GRM8: variants seen among roughly 807,000 people sequenced by gnomAD.
GRM8 encodes metabotropic glutamate receptor 8.
In GRM8, 47 loss-of-function variants were observed where a neutral mutation model predicts 87.2. The ratio of observed to expected loss-of-function variants is 0.54; its 90% CI spans 0.43 to 0.69. The LOEUF is 0.69. Ranked by LOEUF, GRM8 falls within the 30% of genes least tolerant of loss-of-function variation. The pLI, the probability that GRM8 is intolerant of heterozygous loss-of-function variation, is 0.00. For synonymous variants in GRM8, 396 were observed against 404.5 expected (o/e 0.98, Z 0.25); for missense variants, 1,019 against 1,139.2 (o/e 0.89, Z 1.52).
intron 2 of GRM8, among the ~76,000 whole-genome samples, chr7:127,212,755 A>G (rs1159956099): frequency 6.6e-6 from 1 of 152,234 alleles, no homozygotes; most frequent in Non-Finnish European, 1.5e-5. Context: ...TAAAAACCAA[A>G]GTAACAATCT....
intron 2 of GRM8, among the ~76,000 whole-genome samples, chr7:127,197,052 C>T (rs533506039): frequency 8.5e-5 from 13 of 152,200 alleles, no homozygotes; most frequent in African/African-American, 1.4e-4. Flanking sequence ...ATGGTACAAA[C>T]GCTCTAACTA....
intron 9 of GRM8, among the ~76,000 whole-genome samples, chr7:126,458,258 T>A (rs1421397179): frequency 6.6e-6 from 1 of 151,154 alleles, no homozygotes; most frequent in South Asian, 2.1e-4. Flanking sequence ...CCTATTTAAA[T>A]ACAGATATTA....
At chr7:127,221,576 C>A (rs540599349) in intron 2 of GRM8, among the ~76,000 whole-genome samples, 1 of 152,330 alleles carries the variant, frequency 6.6e-6, no homozygotes, top group African/African-American at 2.4e-5. Flanking sequence ...TGCTTCAGAG[C>A]ATCCACAGGA....
intron 8 of GRM8, among the ~76,000 whole-genome samples, chr7:126,566,472 A>C (rs1159016527): frequency 6.6e-6 from 1 of 152,204 alleles, no homozygotes; most frequent in Non-Finnish European, 1.5e-5. Flanking sequence ...AATGCAAATC[A>C]AAATCACAAT....
chr7:127,198,574 T>C (rs1795415110), intron 2 of GRM8, among the ~76,000 whole-genome samples: 1 of 152,152 alleles, frequency 6.6e-6, no homozygotes, highest in Non-Finnish European at 1.5e-5. Context: ...TGAGAGATGT[T>C]TTGTGGTGGG....
At chr7:127,139,654 A>G (rs1828148398) in intron 2 of GRM8, among the ~76,000 whole-genome samples, 1 of 152,086 alleles carries the variant, frequency 6.6e-6, no homozygotes, top group Admixed American at 6.5e-5. Flanking sequence ...CTGCAAGTAC[A>G]TCATTACGAT....
chr7:126,927,900 A>G (rs1279600002), intron 3 of GRM8, among the ~76,000 whole-genome samples: 3 of 152,182 alleles, frequency 2.0e-5, no homozygotes, highest in Admixed American at 2.0e-4. Flanking sequence ...TCATTCTACT[A>G]TAAAGACACA....
intron 2 of GRM8, among the ~76,000 whole-genome samples, chr7:127,163,980 T>C (rs2116250487): frequency 6.6e-6 from 1 of 152,270 alleles, no homozygotes; most frequent in African/African-American, 2.4e-5. Context: ...AACCTCATGT[T>C]GAATTGTAAT....
At chr7:126,883,526 A>AG (rs1800205311) in intron 6 of GRM8, among the ~76,000 whole-genome samples, 1 of 152,208 alleles carries the variant, frequency 6.6e-6, no homozygotes, top group African/African-American at 2.4e-5. Flanking sequence ...AAGGGATATA[A>AG]GATAAATAAT....
chr7:127,083,347 G>T (rs145960792), intron 3 of GRM8, among the ~76,000 whole-genome samples: 1 of 151,912 alleles, frequency 6.6e-6, no homozygotes, highest in African/African-American at 2.4e-5. Context: ...CTTCTTAAAG[G>T]TCTTCCTACT....
chr7:127,165,194 T>G (rs1204650592), intron 2 of GRM8, among the ~76,000 whole-genome samples: 1 of 77,810 alleles, frequency 1.3e-5, no homozygotes, highest in Admixed American at 1.7e-4. Context: ...ATATATATAT[T>G]CAGGTTTCAA....
At chr7:126,780,901 A>G (rs1192799562) in intron 6 of GRM8, among the ~76,000 whole-genome samples, 1 of 152,190 alleles carries the variant, frequency 6.6e-6, no homozygotes, top group Non-Finnish European at 1.5e-5. Context: ...TGGAGTAGGC[A>G]GATTGGGAGG....
At chr7:126,509,301 G>A (rs1430662865) in intron 9 of GRM8, among the ~76,000 whole-genome samples, 1 of 151,960 alleles carries the variant, frequency 6.6e-6, no homozygotes, top group Admixed American at 6.6e-5. Flanking sequence ...TTTGACTTCT[G>A]GGATGTGGCT....
chr7:126,970,767 C>G (rs987587990), intron 3 of GRM8, among the ~76,000 whole-genome samples: 11 of 152,072 alleles, frequency 7.2e-5, no homozygotes, highest in African/African-American at 2.7e-4. Flanking sequence ...CAAGCTTCAT[C>G]ATTTCTAGCT....
At chr7:126,540,912 G>A (rs559223623) in intron 8 of GRM8, among the ~76,000 whole-genome samples, 13 of 152,298 alleles carry the variant, frequency 8.5e-5, no homozygotes, top group South Asian at 8.3e-4. Context: ...CATTTTTGGC[G>A]TGTAAGTTAT....
chr7:127,212,690 T>C (rs180898856), intron 2 of GRM8, among the ~76,000 whole-genome samples: 1 of 152,276 alleles, frequency 6.6e-6, no homozygotes, highest in African/African-American at 2.4e-5. Flanking sequence ...GTGCTGGGAT[T>C]ACAGGCGTGA....
rs1793490986 is a variant in GRM8, at chr7:126,813,487, T to C, written c.1157-43422A>G. Among the ~76,000 whole-genome samples, 3 of 152,124 alleles carry C rather than the reference T, an allele frequency of 2.0e-5. No individual in the cohort carries two copies. In the South Asian group the frequency reaches 6.2e-4, roughly 31 times the overall value. The stretch of plus-strand genomic sequence containing the variant: ...CACTGGAGACATGAATAACTTCCAA[T>C]GGATATGAACAAAATTTCTCTATAA... On this transcript the variant is annotated intron_variant, in intron 6 of 10. Coordinates refer to ENST00000339582, the MANE Select transcript of GRM8 (RefSeq NM_000845.3).
In GRM8 at chr7:126,993,283, A is replaced by C. The variant is rs150959687; in HGVS notation, c.728-88600T>G. Among the ~76,000 whole-genome samples, 1,429 of 152,318 alleles carry C rather than the reference A, an allele frequency of 9.4e-3. 27 individuals are homozygous for C. Among genetic ancestry groups the C allele is most frequent in the African/African-American group, 0.033 (1,360 of 41,576 alleles). ...AGGCAAAAGTTAAAAACAACCCAAGAGTCAATCAACAGGTAAATGGATAAA... is the reference window on the plus strand; with the variant it reads ...AGGCAAAAGTTAAAAACAACCCAAGCGTCAATCAACAGGTAAATGGATAAA... On this transcript the variant is annotated intron_variant, in intron 3 of 10. Transcript: ENST00000339582.
intron 2 of GRM8, among the ~76,000 whole-genome samples, chr7:127,132,623 G>A (rs1587102158): frequency 1.3e-5 from 2 of 152,024 alleles, no homozygotes; most frequent in East Asian, 1.9e-4. Context: ...TTTATTTGAA[G>A]GGTCAGATAG....
Sources: gnomAD v4.1 joint callset for allele counts (sites outside exome capture counted in the v4.1 genomes callset) on GRCh38, gnomAD v4.1.1 for gene constraint, MANE v1.5 for transcripts, NCBI Gene and HGNC (gene_info 2026-07-23, HGNC 2026-07-21) for gene names.